The following PRDM1 variants were observed in gnomAD, a reference collection of about 807,000 sequenced individuals.
The protein encoded by PRDM1 is PR domain zinc finger protein 1.
A neutral mutation model predicts 62.8 loss-of-function variants in PRDM1; 13 were observed. The observed-to-expected ratio is 0.21, with a 90% CI of 0.13 to 0.33. The LOEUF is 0.33. Ranked by LOEUF, PRDM1 falls within the 10% of genes least tolerant of loss-of-function variation. The pLI is 1.00. For missense variants in PRDM1, 895 were observed against 1,058.8 expected (o/e 0.85, Z 2.15); for synonymous variants, 396 against 417.6 (o/e 0.95, Z 0.63).
intron 1 of PRDM1, among the ~76,000 whole-genome samples, chr6:106,077,317 C>G (rs1051496521): frequency 5.3e-5 from 8 of 152,118 alleles, no homozygotes; most frequent in African/African-American, 1.7e-4. Context: ...TTTCAGATAC[C>G]GATGATTATG....
At position 106,109,144 on chromosome 6, in the gene PRDM1, C is replaced by T. The variant is rs1036198102; in HGVS notation, c.*1658C>T. ...CTCCTTTCTGAGACTTTGCTTAATACTTGGTGACCTCACAATCACGTCGGT... is the reference window on the plus strand; with the variant it reads ...CTCCTTTCTGAGACTTTGCTTAATATTTGGTGACCTCACAATCACGTCGGT... On this transcript the variant is annotated 3_prime_UTR_variant, in exon 7 of 7. Coordinates refer to ENST00000369096, the MANE Select transcript of PRDM1 (RefSeq NM_001198.4). 6.1e-6 allele frequency: 1 copy of T among 164,554 alleles called. No homozygotes were observed. Among genetic ancestry groups the T allele is most frequent in the Non-Finnish European group, 1.2e-5 (1 of 80,612 alleles). 10.2% of individuals were successfully genotyped at this position (164,554 alleles called of 1,614,324 possible).
chr6:106,098,537 C>T, intron 3 of PRDM1: 1 of 1,266,412 alleles, frequency 7.9e-7, no homozygotes, highest in Admixed American at 2.5e-5. Flanking sequence ...TAGCCAGCCT[C>T]CTCCCAGATA....
intron 1 of PRDM1, among the ~76,000 whole-genome samples, chr6:106,058,195 AAAG>A (rs1221177933): frequency 1.3e-5 from 2 of 152,234 alleles, no homozygotes; most frequent in Non-Finnish European, 2.9e-5. Context: ...CTTGTAAACA[AAAG>A]AAGTTTATTT....
In PRDM1 at chr6:106,105,119, G is replaced by A. The variant is rs2114652532; in HGVS notation, c.959G>A (p.Arg320Lys). 6.2e-7 allele frequency: 1 copy of A among 1,613,924 alleles called. No homozygotes were observed. The highest frequency in any genetic ancestry group is 8.5e-7 in the Non-Finnish European group (1 of 1,179,978). The change falls in exon 5 of 7, where the codon AGA (arginine) becomes AAA (lysine). Residue 320 changes from arginine (R) to lysine (K), a missense_variant. Physicochemically the swap from Arg to Lys is conservative, Grantham distance 26. Coordinates refer to ENST00000369096, the MANE Select transcript of PRDM1 (RefSeq NM_001198.4). The part of the protein sequence containing the change: ...LKASLAYGIE[R>K]PTYITRSPIP... ...GCTTCCCTGGCCTACGGGATCGAGA[G>A]ACCCACGTACATCACTCGCTCCCCC...
intron 1 of PRDM1, among the ~76,000 whole-genome samples, chr6:106,035,447 C>T (rs545465496): frequency 6.6e-6 from 1 of 152,006 alleles, no homozygotes; most frequent in East Asian, 1.9e-4. Flanking sequence ...CATAGTGAGA[C>T]CCCCCTCCCC....
intron 2 of PRDM1, among the ~76,000 whole-genome samples, chr6:106,089,682 C>T (rs1773909257): frequency 6.6e-6 from 1 of 152,184 alleles, no homozygotes; most frequent in African/African-American, 2.4e-5. Flanking sequence ...AAAAATTTAA[C>T]CCCAGAGGTC....
intron 1 of PRDM1, among the ~76,000 whole-genome samples, chr6:106,006,912 T>A (rs183991517): frequency 2.5e-4 from 38 of 152,068 alleles, no homozygotes; most frequent in African/African-American, 8.9e-4. Flanking sequence ...TGCTCAGTGA[T>A]CGTTTATGGC....
chr6:106,072,088 A>G (rs1582450321), intron 1 of PRDM1: 1 of 152,314 alleles, frequency 6.6e-6, no homozygotes, highest in East Asian at 1.9e-4. Context: ...CCTACTATCA[A>G]TGTGTTCCAT....
chr6:106,014,675 A>G (rs992699619), intron 1 of PRDM1, among the ~76,000 whole-genome samples: 3 of 150,270 alleles, frequency 2.0e-5, no homozygotes, highest in African/African-American at 7.3e-5. Flanking sequence ...TATACTATAA[A>G]TTTATTTAAT....
intron 5 of PRDM1, 23 bp downstream of exon 5, chr6:106,105,956 C>T (rs761406956): frequency 6.3e-7 from 1 of 1,596,786 alleles, no homozygotes; most frequent in Non-Finnish European, 8.5e-7. Flanking sequence ...AGAGAGCAGT[C>T]CAAGGGGCTG....
At chr6:106,030,130 T>G (rs1772822540) in intron 1 of PRDM1, among the ~76,000 whole-genome samples, 1 of 152,214 alleles carries the variant, frequency 6.6e-6, no homozygotes, top group South Asian at 2.1e-4. Flanking sequence ...ATATATCTTT[T>G]GTGAATATTT....
chr6:106,019,222 A>G (rs1262016448), intron 1 of PRDM1, among the ~76,000 whole-genome samples: 1 of 128,766 alleles, frequency 7.8e-6, no homozygotes. Flanking sequence ...CAGTGAGCCA[A>G]GATCATGCTG....
In PRDM1 at chr6:106,073,013, A is replaced by T. The variant is rs142470317; in HGVS notation, c.-66-15188A>T. ...TTCACCATGTGGCAATTAACAGGAG[A>T]CAAATGTCCAAATCCTGGTGACAAA... On this transcript the variant is annotated intron_variant, in intron 1 of 6. Transcript: ENST00000651185. Among the ~76,000 whole-genome samples the T allele has an allele frequency of 1.6e-3, 241 of 152,182 alleles. 2 individuals are homozygous for T. Among genetic ancestry groups the T allele is most frequent in the African/African-American group, 5.7e-3 (235 of 41,524 alleles).
chr6:106,036,509 C>G (rs1344740679), intron 1 of PRDM1, among the ~76,000 whole-genome samples: 3 of 152,182 alleles, frequency 2.0e-5, no homozygotes, highest in Non-Finnish European at 4.4e-5. Flanking sequence ...CAATAACATG[C>G]TAACTTCTGT....
rs115405877 is a variant in PRDM1, at chr6:106,070,212, T to C, written c.-66-17989T>C. The stretch of plus-strand genomic sequence containing the variant: ...ACTTCATTAAGACTAATTAGAGGAA[T>C]AGAATTTGGAATCAACATTTCAGAT... On this transcript the variant is annotated intron_variant, in intron 1 of 6. Transcript: ENST00000651185. Among the ~76,000 whole-genome samples, 406 of 152,348 alleles carry C rather than the reference T, an allele frequency of 2.7e-3. 2 individuals are homozygous for C. Among genetic ancestry groups the C allele is most frequent in the African/African-American group, 9.1e-3 (378 of 41,578 alleles).
intron 1 of PRDM1, 43 bp from the exon 2 acceptor site, chr6:106,088,158 C>A: frequency 6.5e-7 from 1 of 1,544,758 alleles, no homozygotes; most frequent in South Asian, 1.2e-5. Context: ...GCCACAGGAA[C>A]GGCGGGACAA....
chr6:106,015,971 T>G (rs983553951), intron 1 of PRDM1, among the ~76,000 whole-genome samples: 4 of 152,212 alleles, frequency 2.6e-5, no homozygotes, highest in African/African-American at 4.8e-5. Context: ...AAAGCTCTAC[T>G]GATTCAACAA....
intron 1 of PRDM1, among the ~76,000 whole-genome samples, chr6:105,996,342 T>C (rs978771917): frequency 8.5e-5 from 13 of 152,172 alleles, no homozygotes; most frequent in African/African-American, 3.1e-4. Flanking sequence ...TAAAAATTAA[T>C]TAACAATTAA....
In PRDM1 at chr6:106,104,956, C is replaced by T. The variant is rs1300040569; in HGVS notation, c.796C>T (p.Leu266Phe). 6.2e-7 allele frequency: 1 copy of T among 1,614,084 alleles called. No homozygotes were observed. Among genetic ancestry groups the T allele is most frequent in the Admixed American group, 1.7e-5 (1 of 60,016 alleles). The change falls in exon 5 of 7, where the codon CTC becomes TTC. Residue 266 changes from leucine to phenylalanine, a missense_variant. Leu to Phe is a conservative substitution (Grantham distance 22). This residue lies in a region of PRDM1 where 444 missense variants were observed against 422.7 expected (regional missense o/e 1.05). Transcript: ENST00000369096. ...CTCCAACCCCTCCAAAGGAAAGGAC[C>T]TCTACCGTTCTAACATTTCACCCCT... ...LDSNPSKGKD[L>F]YRSNISPLTS...
Sources: gnomAD v4.1 joint callset for allele counts (sites outside exome capture counted in the v4.1 genomes callset) on GRCh38, gnomAD v4.1.1 for gene constraint, gnomAD v4.1.1 regional missense constraint, MANE v1.5 for transcripts, NCBI Gene and HGNC (gene_info 2026-07-23, HGNC 2026-07-21) for gene names.